Variants in ZNF423 observed in about 807,000 individuals in gnomAD.
The protein encoded by ZNF423 is Ebf-associated zinc finger protein.
Under a neutral mutation model 95.8 loss-of-function variants are expected in ZNF423, and 12 were observed. That is an observed-to-expected ratio of 0.13 (90% CI 0.08 to 0.20). The LOEUF is 0.20. Among genes scored for constraint, ZNF423 ranks in the 10% least tolerant of loss-of-function variants. ZNF423 has a pLI of 1.00. For synonymous variants in ZNF423, 749 were observed against 711.9 expected (o/e 1.05, Z -0.83); for missense variants, 1,316 against 1,737.1 (o/e 0.76, Z 4.31).
At chr16:49,843,954 C>T (rs886641092) in intron 1 of ZNF423, among the ~76,000 whole-genome samples, 1 of 152,100 alleles carries the variant, frequency 6.6e-6, no homozygotes, top group Non-Finnish European at 1.5e-5. Context: ...GCAGGATGAG[C>T]GTCACAGGCA....
At chr16:49,853,704 G>T in intron 1 of ZNF423, 1 of 985,364 alleles carries the variant, frequency 1.0e-6, no homozygotes, top group Non-Finnish European at 1.2e-6. Context: ...CTCATTTCAT[G>T]AAAGGCTGAA....
At position 49,590,067 on chromosome 16, in the gene ZNF423, G is replaced by A. The variant is rs1970965312; in HGVS notation, c.3601+36103C>T. On this transcript the variant is annotated intron_variant, in intron 5 of 7. Transcript: ENST00000563137. ...ATATATATATTTGGTCCATACAGACGTGACCAGAGATGTCACCTTTCCCTG... is the reference window on the plus strand; with the variant it reads ...ATATATATATTTGGTCCATACAGACATGACCAGAGATGTCACCTTTCCCTG... Among the ~76,000 whole-genome samples the A allele has an allele frequency of 5.3e-5, 6 of 113,366 alleles. 2 individuals are homozygous for A. Among genetic ancestry groups the A allele is most frequent in the Admixed American group, 5.0e-4 (6 of 11,912 alleles). 74.4% of individuals were successfully genotyped at this position (113,366 alleles called of 152,430 possible). A position where few individuals can be genotyped will look rare whatever the true frequency, so the allele number is the denominator to read the frequency against.
At chr16:49,677,112 G>C (rs1325068068) in intron 3 of ZNF423, among the ~76,000 whole-genome samples, 1 of 150,766 alleles carries the variant, frequency 6.6e-6, no homozygotes, top group Non-Finnish European at 1.5e-5. Context: ...CAGCTACCCA[G>C]AAGGCTGAGG....
At chr16:49,756,655 A>G (rs1437582329) in intron 2 of ZNF423, among the ~76,000 whole-genome samples, 2 of 152,190 alleles carry the variant, frequency 1.3e-5, no homozygotes, top group Non-Finnish European at 2.9e-5. Flanking sequence ...AAGGGACCTA[A>G]GAGACCACCT....
At chr16:49,605,411 A>G (rs1304918923) in intron 5 of ZNF423, among the ~76,000 whole-genome samples, 1 of 152,202 alleles carries the variant, frequency 6.6e-6, no homozygotes, top group African/African-American at 2.4e-5. Context: ...CAGCTTCCTG[A>G]AAAGTAAAAT....
chr16:49,812,942 C>A (rs2034776563), intron 1 of ZNF423, among the ~76,000 whole-genome samples: 1 of 152,110 alleles, frequency 6.6e-6, no homozygotes, highest in South Asian at 2.1e-4. Context: ...TCTAATTTTG[C>A]TCCTTGTGCA....
At chr16:49,729,646 T>C (rs2033111699) in intron 3 of ZNF423, among the ~76,000 whole-genome samples, 2 of 123,298 alleles carry the variant, frequency 1.6e-5, no homozygotes, top group Non-Finnish European at 3.2e-5. Context: ...GGTCTATTAT[T>C]ATTATTATTA....
At chr16:49,728,331 C>T (rs1207030631) in intron 3 of ZNF423, among the ~76,000 whole-genome samples, 1 of 152,180 alleles carries the variant, frequency 6.6e-6, no homozygotes, top group East Asian at 1.9e-4. Context: ...CTTTACCAGG[C>T]GGTAATGAAT....
chr16:49,822,572 G>A, intron 1 of ZNF423: 1 of 988,328 alleles, frequency 1.0e-6, no homozygotes, highest in Non-Finnish European at 1.5e-6. Context: ...GAAGGGATGA[G>A]ACCCACATTG....
intron 5 of ZNF423, among the ~76,000 whole-genome samples, chr16:49,555,361 G>A (rs1248751171): frequency 6.6e-6 from 1 of 152,208 alleles, no homozygotes; most frequent in Non-Finnish European, 1.5e-5. Context: ...TCAATAAACA[G>A]AGGCAACATT....
At chr16:49,703,303 A>T (rs1384885573) in intron 3 of ZNF423, among the ~76,000 whole-genome samples, 3 of 152,124 alleles carry the variant, frequency 2.0e-5, no homozygotes, top group Non-Finnish European at 4.4e-5. Context: ...CCTTCATTGA[A>T]TTTTTTTTAA....
At chr16:49,784,848 G>T (rs2034283585) in intron 2 of ZNF423, among the ~76,000 whole-genome samples, 1 of 151,824 alleles carries the variant, frequency 6.6e-6, no homozygotes, top group African/African-American at 2.4e-5. Flanking sequence ...TACTCGGAAG[G>T]CTGAGGCAGG....
chr16:49,640,576 T>C (rs2151890820), intron 3 of ZNF423, among the ~76,000 whole-genome samples: 2 of 152,222 alleles, frequency 1.3e-5, no homozygotes, highest in South Asian at 4.1e-4. Context: ...AGCCTGGTCC[T>C]AGGCCCCGCC....
chr16:49,780,955 C>T (rs1038705620), intron 2 of ZNF423, among the ~76,000 whole-genome samples: 4 of 152,214 alleles, frequency 2.6e-5, no homozygotes, highest in African/African-American at 4.8e-5. Flanking sequence ...AAAAGGTGGA[C>T]GCCACCAGCA....
chr16:49,525,097 C>T (rs1968549827), intron 6 of ZNF423, among the ~76,000 whole-genome samples: 1 of 152,208 alleles, frequency 6.6e-6, no homozygotes, highest in South Asian at 2.1e-4. Context: ...CTTCTAGCTC[C>T]TGTGTGCAGA....
intron 2 of ZNF423, among the ~76,000 whole-genome samples, chr16:49,775,094 G>A (rs1327912580): frequency 1.3e-5 from 2 of 152,190 alleles, no homozygotes; most frequent in African/African-American, 4.8e-5. Context: ...TGTACTGCAT[G>A]GAACTCCAGG....
At chr16:49,762,930 T>C (rs997563088) in intron 2 of ZNF423, among the ~76,000 whole-genome samples, 1 of 152,208 alleles carries the variant, frequency 6.6e-6, no homozygotes, top group East Asian at 1.9e-4. Flanking sequence ...GTCCCTTTCA[T>C]GATCATAGCT....
chr16:49,553,453 C>T (rs2151756810), intron 5 of ZNF423, among the ~76,000 whole-genome samples: 1 of 151,730 alleles, frequency 6.6e-6, no homozygotes, highest in East Asian at 1.9e-4. Context: ...TTCAAGAGCT[C>T]TTCCTGCCTC....
intron 1 of ZNF423, among the ~76,000 whole-genome samples, chr16:49,812,926 G>A (rs961221123): frequency 6.6e-6 from 1 of 152,084 alleles, no homozygotes; most frequent in African/African-American, 2.4e-5. Flanking sequence ...GGTGGCTGGG[G>A]GAGTTTCTAA....
Sources: gnomAD v4.1 joint callset for allele counts (sites outside exome capture counted in the v4.1 genomes callset) on GRCh38, gnomAD v4.1.1 for gene constraint, MANE v1.5 for transcripts, NCBI Gene and HGNC (gene_info 2026-07-23, HGNC 2026-07-21) for gene names.